Variants in LPAR1 observed in about 807,000 individuals in gnomAD.
The protein encoded by LPAR1 is lysophosphatidic acid receptor 1.
A neutral mutation model predicts 23.8 loss-of-function variants in LPAR1; 5 were observed. The ratio of observed to expected loss-of-function variants is 0.21; its 90% CI spans 0.11 to 0.44. The LOEUF (loss-of-function observed/expected upper bound fraction) is 0.44. Ranked by LOEUF, LPAR1 falls within the 20% of genes least tolerant of loss-of-function variation. The pLI is 0.99. For synonymous variants in LPAR1, 160 were observed against 164.7 expected (o/e 0.97, Z 0.22); for missense variants, 311 against 482.8 (o/e 0.64, Z 3.33).
chr9:110,977,950 C>T (rs1284475611), intron 2 of LPAR1, among the ~76,000 whole-genome samples: 1 of 151,768 alleles, frequency 6.6e-6, no homozygotes, highest in Non-Finnish European at 1.5e-5. Flanking sequence ...ATACCCAATA[C>T]TGAATATGCA....
In LPAR1 at chr9:111,030,112, A is replaced by C. The variant is rs566451584; in HGVS notation, c.-182+6010T>G. On this transcript the variant is annotated intron_variant, in intron 2 of 5. Coordinates refer to ENST00000683809, the MANE Select transcript of LPAR1 (RefSeq NM_001351411.2). ...AAACGTAAGGACACAGAAGTTCTCC[A>C]AGATATCAGCTGCATGAAACTAAAC... Among the ~76,000 whole-genome samples the C allele has an allele frequency of 4.6e-5, 7 of 152,208 alleles. No individual in the cohort carries two copies. The South Asian group carries it at 1.5e-3, about 32-fold the overall frequency.
At position 110,983,410 on chromosome 9, in the gene LPAR1, A is replaced by C. The variant is rs74659270; in HGVS notation, c.-181-9852T>G. ...GCTAAGTGAAATAAGCCAGTCAAAA[A>C]AGGACAAATACTCCACATATATAAG... is the stretch of plus-strand genomic sequence containing the variant. On this transcript the variant is annotated intron_variant, in intron 2 of 5. Coordinates refer to ENST00000683809, the MANE Select transcript of LPAR1 (RefSeq NM_001351411.2). 9.6e-3 allele frequency among the ~76,000 whole-genome samples: 1,469 copies of C among 152,238 alleles called. 21 individuals carry two copies. The highest frequency in any genetic ancestry group is 0.033 in the African/African-American group (1,373 of 41,566).
intron 2 of LPAR1, among the ~76,000 whole-genome samples, chr9:111,000,131 A>G (rs942203668): frequency 6.6e-6 from 1 of 152,152 alleles, no homozygotes; most frequent in Admixed American, 6.5e-5. Context: ...TTTCAGGGAG[A>G]CACATTCTTC....
intron 5 of LPAR1, among the ~76,000 whole-genome samples, chr9:110,901,551 G>A (rs1376129925): frequency 6.6e-6 from 1 of 152,136 alleles, no homozygotes; most frequent in African/African-American, 2.4e-5. Context: ...TGTGTGCAGG[G>A]GAATTGCCCT....
intron 2 of LPAR1, among the ~76,000 whole-genome samples, chr9:111,024,379 A>G (rs2097639253): frequency 6.8e-6 from 1 of 147,780 alleles, no homozygotes; most frequent in East Asian, 1.9e-4. Context: ...ATATATATAC[A>G]TATTTTTATA....
intron 2 of LPAR1, among the ~76,000 whole-genome samples, chr9:111,015,462 G>A (rs1212058298): frequency 1.3e-5 from 2 of 151,994 alleles, no homozygotes; most frequent in Non-Finnish European, 2.9e-5. Flanking sequence ...AGTACTATAC[G>A]ATCTCAACTT....
chr9:111,031,020 A>G (rs554387435), intron 2 of LPAR1, among the ~76,000 whole-genome samples: 1 of 152,316 alleles, frequency 6.6e-6, no homozygotes, highest in East Asian at 1.9e-4. Flanking sequence ...TAAAAGGACA[A>G]CTATGGAAGG....
At chr9:111,029,946 T>C (rs2141485555) in intron 2 of LPAR1, among the ~76,000 whole-genome samples, 2 of 150,446 alleles carry the variant, frequency 1.3e-5, no homozygotes, top group Non-Finnish European at 2.9e-5. Context: ...TCCCAGCTAC[T>C]TGGAAGGCTG....
intron 5 of LPAR1, among the ~76,000 whole-genome samples, chr9:110,920,099 G>C (rs2093516331): frequency 6.6e-6 from 1 of 152,160 alleles, no homozygotes; most frequent in Non-Finnish European, 1.5e-5. Flanking sequence ...GCTGAGACTT[G>C]ATTCCATAAT....
At chr9:110,990,512 G>T (rs1032989533) in intron 2 of LPAR1, among the ~76,000 whole-genome samples, 6 of 152,010 alleles carry the variant, frequency 3.9e-5, no homozygotes, top group Non-Finnish European at 7.4e-5. Flanking sequence ...GTCAAAGGAG[G>T]TAATTAAAAA....
intron 2 of LPAR1, chr9:110,999,595 G>A (rs887949699): frequency 5.3e-5 from 19 of 361,356 alleles, no homozygotes; most frequent in South Asian, 3.7e-4. Context: ...CGAAGACCAG[G>A]GTGACAACAA....
chr9:111,003,890 A>G (rs1478914269), intron 2 of LPAR1, among the ~76,000 whole-genome samples: 1 of 152,230 alleles, frequency 6.6e-6, no homozygotes, highest in African/African-American at 2.4e-5. Flanking sequence ...CTCAGAATTC[A>G]TAACTCAGAA....
chr9:110,975,193 C>A (rs576909671), intron 2 of LPAR1, among the ~76,000 whole-genome samples: 151 of 152,234 alleles, frequency 9.9e-4, no homozygotes, highest in African/African-American at 3.5e-3. Flanking sequence ...AAAATATTTT[C>A]AATATTCAGA....
At chr9:110,881,942 G>A (rs1480312434) in intron 5 of LPAR1, among the ~76,000 whole-genome samples, 1 of 152,108 alleles carries the variant, frequency 6.6e-6, no homozygotes, top group Non-Finnish European at 1.5e-5. Flanking sequence ...TCATTTACGA[G>A]GTTCCAGTCA....
At chr9:110,946,963 A>C (rs2095406093) in intron 4 of LPAR1, among the ~76,000 whole-genome samples, 1 of 152,154 alleles carries the variant, frequency 6.6e-6, no homozygotes, top group Admixed American at 6.5e-5. Flanking sequence ...AAATGTGACA[A>C]GTTTTCAAAA....
At chr9:111,027,360 A>C (rs1255747107) in intron 2 of LPAR1, among the ~76,000 whole-genome samples, 1 of 151,746 alleles carries the variant, frequency 6.6e-6, no homozygotes, top group East Asian at 1.9e-4. Flanking sequence ...AAATAACCAA[A>C]CATGGTGGCA....
chr9:111,005,151 C>CAAAAAAAAAAAAAAAAAAAAAA (rs71371700), intron 2 of LPAR1, among the ~76,000 whole-genome samples: 1 of 74,292 alleles, frequency 1.3e-5, no homozygotes, highest in Admixed American at 1.6e-4. Context: ...GACAAAGTCT[C>CAAAAAAAAAAAAAAAAAAAAAA]AAAAAAAAAA....
chr9:110,948,637 G>A lies in LPAR1; in HGVS notation c.46-6469C>T, dbSNP rs180683162. 2.1e-3 allele frequency among the ~76,000 whole-genome samples: 314 copies of A among 152,242 alleles called. 1 individual carries two copies. Among genetic ancestry groups the A allele is most frequent in the African/African-American group, 7.2e-3 (299 of 41,562 alleles). On this transcript the variant is annotated intron_variant, in intron 4 of 5. Coordinates refer to ENST00000683809, the MANE Select transcript of LPAR1 (RefSeq NM_001351411.2). ...AGAGAATTCTGTGTCAGTCCTAAGA[G>A]GAAGGAATGGAAAAATTCACTAAAA...
chr9:110,944,321 A>G (rs2095296233), intron 4 of LPAR1, among the ~76,000 whole-genome samples: 1 of 152,226 alleles, frequency 6.6e-6, no homozygotes, highest in Non-Finnish European at 1.5e-5. Flanking sequence ...TTGCTTATTC[A>G]TTGTTGTATA....
Sources: gnomAD v4.1 joint callset for allele counts (sites outside exome capture counted in the v4.1 genomes callset) on GRCh38, gnomAD v4.1.1 for gene constraint, MANE v1.5 for transcripts, NCBI Gene and HGNC (gene_info 2026-07-23, HGNC 2026-07-21) for gene names.